The following GRAPL variants were observed in gnomAD, a reference collection of about 807,000 sequenced individuals.
The protein encoded by GRAPL is GRB2-related adapter protein-like.
At chr17:19,146,966 G>C (rs1242244639) in intron 3 of GRAPL, among the ~76,000 whole-genome samples, 1 of 111,894 alleles carries the variant, frequency 8.9e-6, no homozygotes, top group Non-Finnish European at 1.7e-5. Flanking sequence ...CAAATGTATT[G>C]CGACCAAATT....
chr17:19,147,176 A>G (rs1805005677), intron 3 of GRAPL, among the ~76,000 whole-genome samples: 1 of 145,874 alleles, frequency 6.9e-6, no homozygotes, highest in African/African-American at 2.7e-5. Context: ...CTGAGGGGCT[A>G]TCTACCTCCC....
At chr17:19,144,516 G>A (rs1319910311) in intron 3 of GRAPL, among the ~76,000 whole-genome samples, 1 of 143,066 alleles carries the variant, frequency 7.0e-6, no homozygotes, top group Non-Finnish European at 1.5e-5. Context: ...TCCACACAGT[G>A]GGAGACACAC....
At chr17:19,149,308 A>G (rs1315652467) in intron 3 of GRAPL, among the ~76,000 whole-genome samples, 1 of 92,256 alleles carries the variant, frequency 1.1e-5, no homozygotes. Flanking sequence ...CAGCCTGGGC[A>G]ACAGAGCAAG....
Position 19,142,312 on chromosome 17 carries a change from AGG to A in GRAPL, c.299+3725_299+3726del, listed in dbSNP as rs1487910663. On this transcript the variant is annotated intron_variant, in intron 3 of 3. Coordinates refer to ENST00000344415, the MANE Select transcript of GRAPL (RefSeq NM_001129778.3). ...AGCATGAGTAGGATTTTGGCGCACA[AGG>A]AGAGTAGATGATATGCCAGGCACAG... is the stretch of plus-strand genomic sequence containing the variant. 115 of 100,892 alleles carry A rather than the reference AGG, an allele frequency of 1.1e-3. 46 individuals are homozygous for A. The highest frequency in any genetic ancestry group is 0.011 in the African/African-American group (111 of 10,424). The allele number at this position is 100,892 out of a possible 1,614,324, so 6.2% of individuals were successfully genotyped here. A position where few individuals can be genotyped will look rare whatever the true frequency, so the allele number is the denominator to read the frequency against.
chr17:19,142,965 G>C (rs1355752033), intron 3 of GRAPL: 1 of 93,222 alleles, frequency 1.1e-5, no homozygotes, highest in Non-Finnish European at 1.7e-5. Context: ...TTATATTAAG[G>C]CTCCAAGGAC....
chr17:19,128,786 C>CT (rs928949361), intron 1 of GRAPL, among the ~76,000 whole-genome samples: 2 of 151,298 alleles, frequency 1.3e-5, no homozygotes, highest in African/African-American at 4.9e-5. Flanking sequence ...CTTCTCTATG[C>CT]TGGGGTGCTG....
At chr17:19,147,050 T>TGCGCGC (rs202183900) in intron 3 of GRAPL, among the ~76,000 whole-genome samples, 41 of 119,684 alleles carry the variant, frequency 3.4e-4, no homozygotes, top group African/African-American at 1.6e-3. Context: ...TGTGTGTGTG[T>TGCGCGC]GCGCGCGCGC....
At chr17:19,144,592 C>G (rs868856021) in intron 3 of GRAPL, among the ~76,000 whole-genome samples, 1 of 141,128 alleles carries the variant, frequency 7.1e-6, no homozygotes, top group Non-Finnish European at 1.5e-5. Flanking sequence ...CGCTCTCACA[C>G]CCCCGGCACT....
intron 3 of GRAPL, among the ~76,000 whole-genome samples, chr17:19,148,797 A>C (rs1028181679): frequency 1.0e-5 from 1 of 97,518 alleles, no homozygotes; most frequent in Non-Finnish European, 2.0e-5. Context: ...AGTCCCAGCT[A>C]CTCGGGAGGC....
intron 3 of GRAPL, among the ~76,000 whole-genome samples, chr17:19,149,024 G>A (rs1432533465): frequency 9.9e-5 from 13 of 131,560 alleles, no homozygotes; most frequent in African/African-American, 2.0e-4. Context: ...GGGCACAGAC[G>A]GGAAATGAGA....
chr17:19,144,910 A>G (rs1343719226), intron 3 of GRAPL, among the ~76,000 whole-genome samples: 1 of 31,902 alleles, frequency 3.1e-5, no homozygotes, highest in Admixed American at 3.9e-4. Context: ...GCTAAGGTCA[A>G]GACTAGACAG....
chr17:19,144,236 C>A, intron 3 of GRAPL: 1 of 271,362 alleles, frequency 3.7e-6, no homozygotes, highest in Non-Finnish European at 6.6e-6. Context: ...CTCCTGCCCC[C>A]ACCCCAGCCT....
chr17:19,149,615 C>T (rs1597954232), intron 3 of GRAPL, among the ~76,000 whole-genome samples: 1 of 108,178 alleles, frequency 9.2e-6, no homozygotes, highest in Non-Finnish European at 1.6e-5. Flanking sequence ...CAAAAAATTA[C>T]CTGGGCATGG....
At chr17:19,144,740 G>A (rs1180220371) in intron 3 of GRAPL, among the ~76,000 whole-genome samples, 2 of 104,320 alleles carry the variant, frequency 1.9e-5, no homozygotes, top group Non-Finnish European at 1.8e-5. Context: ...TCCCGGTTCC[G>A]GGGCCATCTG....
chr17:19,141,775 TGG>T (rs1434234065), intron 3 of GRAPL: 4 of 114,930 alleles, frequency 3.5e-5, no homozygotes, highest in Non-Finnish European at 6.8e-5. Context: ...GGTCATCTCC[TGG>T]GAATGGCGTC....
intron 3 of GRAPL, among the ~76,000 whole-genome samples, chr17:19,149,301 C>T (rs2044719800): frequency 1.1e-5 from 1 of 87,400 alleles, no homozygotes; most frequent in Non-Finnish European, 1.8e-5. Flanking sequence ...TGCACTCCAG[C>T]CTGGGCAACA....
At chr17:19,148,997 G>A (rs2044715163) in intron 3 of GRAPL, among the ~76,000 whole-genome samples, 1 of 131,870 alleles carries the variant, frequency 7.6e-6, no homozygotes, top group Non-Finnish European at 1.6e-5. Context: ...TGGCGATAGT[G>A]GGCTGGCTGG....
intron 3 of GRAPL, among the ~76,000 whole-genome samples, chr17:19,147,016 G>GGT (rs764286470): frequency 0.2 from 19,943 of 98,120 alleles, 3,527 homozygotes; most frequent in Middle Eastern, 0.39. Context: ...GAGAGGTAGG[G>GGT]GTGTGTGTGT....
intron 3 of GRAPL, among the ~76,000 whole-genome samples, chr17:19,149,198 C>G (rs1192582755): frequency 1.0e-5 from 1 of 99,454 alleles, no homozygotes; most frequent in Admixed American, 1.2e-4. Context: ...GGCGTGGTGG[C>G]GGGCACCTGT....
Sources: allele counts gnomAD v4.1 joint callset (sites outside exome capture counted in the v4.1 genomes callset), GRCh38; gene constraint gnomAD v4.1.1; transcripts MANE v1.5; gene names NCBI Gene and HGNC (gene_info 2026-07-23, HGNC 2026-07-21).